The following MYT1L variants were observed in gnomAD, a reference collection of about 807,000 sequenced individuals.
MYT1L encodes the protein myelin transcription factor 1 like, also known as myelin transcription factor 1-like protein.
Under a neutral mutation model 126.7 loss-of-function variants are expected in MYT1L, and 12 were observed. That is an observed-to-expected ratio of 0.09 (90% CI 0.06 to 0.15). The LOEUF is 0.15. MYT1L is among the 10% of genes least tolerant of loss of function. MYT1L has a pLI of 1.00. For synonymous variants in MYT1L, 541 were observed against 604.2 expected (o/e 0.90, Z 1.53); for missense variants, 979 against 1,585.2 (o/e 0.62, Z 6.49).
At chr2:1,934,192 T>C (rs1462256057) in intron 9 of MYT1L, among the ~76,000 whole-genome samples, 5 of 151,290 alleles carry the variant, frequency 3.3e-5, no homozygotes, top group South Asian at 2.1e-4. Flanking sequence ...GCCAGGATGG[T>C]CTCGATCTCC....
intron 3 of MYT1L, among the ~76,000 whole-genome samples, chr2:2,136,637 A>G (rs375656406): frequency 6.6e-6 from 1 of 152,138 alleles, no homozygotes; most frequent in African/African-American, 2.4e-5. Context: ...GAAATCTTCA[A>G]TTTTAGTAAA....
At chr2:2,047,267 T>A (rs1413569206) in intron 4 of MYT1L, among the ~76,000 whole-genome samples, 1 of 152,246 alleles carries the variant, frequency 6.6e-6, no homozygotes, top group African/African-American at 2.4e-5. Flanking sequence ...TCATTTCACT[T>A]GGCCATATTC....
intron 2 of MYT1L, among the ~76,000 whole-genome samples, chr2:2,241,850 C>T (rs71442327): frequency 0.073 from 11,053 of 152,114 alleles, 626 homozygotes; most frequent in South Asian, 0.2. Flanking sequence ...GAACAGATAC[C>T]GTACAATGCC....
chr2:1,879,000 A>G (rs1295762725), intron 18 of MYT1L, among the ~76,000 whole-genome samples: 1 of 152,190 alleles, frequency 6.6e-6, no homozygotes, highest in Non-Finnish European at 1.5e-5. Context: ...ACAAGAGAAG[A>G]GAAGAGAAGT....
chr2:2,110,497 C>T (rs1163438665), intron 3 of MYT1L, among the ~76,000 whole-genome samples: 1 of 152,020 alleles, frequency 6.6e-6, no homozygotes, highest in Non-Finnish European at 1.5e-5. Flanking sequence ...TTTCTGCTCT[C>T]ACTCGATTGG....
chr2:2,281,458 T>C (rs1378937176), intron 2 of MYT1L, among the ~76,000 whole-genome samples: 1 of 152,206 alleles, frequency 6.6e-6, no homozygotes. Context: ...TGTACAGAAG[T>C]GGGAAGAGTA....
chr2:2,098,438 T>C (rs530464419), intron 3 of MYT1L, among the ~76,000 whole-genome samples: 1 of 152,216 alleles, frequency 6.6e-6, no homozygotes, highest in Admixed American at 6.5e-5. Context: ...TAAGGCAGAG[T>C]TTAAATAATT....
At position 1,852,482 on chromosome 2, in the gene MYT1L, C is replaced by CT. The variant is rs552223741; in HGVS notation, c.2712-780dup. Among the ~76,000 whole-genome samples the CT allele has an allele frequency of 9.5e-4, 145 of 152,164 alleles. 4 individuals are homozygous for CT. In the South Asian group the frequency reaches 0.021, roughly 22 times the overall value. ...GTCTTGCTATTTCTCTAATCAGAGACTTTTTTTAAGAAAAAGAGCTTTATA... is the reference window on the plus strand; with the variant it reads ...GTCTTGCTATTTCTCTAATCAGAGACTTTTTTTTAAGAAAAAGAGCTTTATA... On this transcript the variant is annotated intron_variant, in intron 18 of 24. Coordinates refer to ENST00000647738, the MANE Select transcript of MYT1L (RefSeq NM_001303052.2). This position sits in a 1 kb window ranked among gnomAD's most constrained non-coding sequence, Gnocchi z 4.0.
intron 3 of MYT1L, among the ~76,000 whole-genome samples, chr2:2,108,477 G>A (rs367652364): frequency 6.6e-6 from 1 of 152,186 alleles, no homozygotes; most frequent in Non-Finnish European, 1.5e-5. Context: ...TCTTAAAGCA[G>A]GAGGATCTTC....
chr2:1,938,322 AT>A, intron 9 of MYT1L, among the ~76,000 whole-genome samples: 1 of 152,252 alleles, frequency 6.6e-6, no homozygotes, highest in East Asian at 1.9e-4. Context: ...AATCCAAAAA[AT>A]ATTTATCATA....
intron 1 of MYT1L, among the ~76,000 whole-genome samples, chr2:2,330,196 G>T (rs1313125412): frequency 2.0e-5 from 3 of 151,864 alleles, no homozygotes; most frequent in Admixed American, 1.3e-4. Context: ...TGAACAAAAA[G>T]GCTCTTATAT....
intron 3 of MYT1L, among the ~76,000 whole-genome samples, chr2:2,064,303 T>C (rs2070937908): frequency 6.6e-6 from 1 of 152,174 alleles, no homozygotes; most frequent in South Asian, 2.1e-4. Flanking sequence ...CCTGAGTACC[T>C]TGCTTGGGAG....
chr2:2,020,200 T>C (rs1056828500), intron 4 of MYT1L, among the ~76,000 whole-genome samples: 1 of 152,314 alleles, frequency 6.6e-6, no homozygotes, highest in South Asian at 2.1e-4. Context: ...TGTTATTCCA[T>C]AGTATAGCTA....
In MYT1L at chr2:2,044,652, G is replaced by A. The variant is rs529906326; in HGVS notation, c.-158+9326C>T. 8.5e-5 allele frequency among the ~76,000 whole-genome samples: 13 copies of A among 152,210 alleles called. No individual in the cohort carries two copies. The South Asian group carries it at 2.5e-3, about 29-fold the overall frequency. On this transcript the variant is annotated intron_variant, in intron 4 of 24. Transcript: ENST00000647738. The stretch of plus-strand genomic sequence containing the variant: ...AAATATTTGCGTTGATAGTATAAAC[G>A]GACCCATGATTAACCATCTTGGGGA...
Position 1,979,270 on chromosome 2 carries a change from A to G in MYT1L, c.90-43T>C, listed in dbSNP as rs367556869. The G allele has an allele frequency of 1.3e-6, 2 of 1,566,678 alleles. No homozygotes were observed. The highest frequency in any genetic ancestry group is 1.8e-6 in the Non-Finnish European group (2 of 1,139,354). On this transcript the variant is annotated intron_variant, in intron 7 of 24. Coordinates refer to ENST00000647738, the MANE Select transcript of MYT1L (RefSeq NM_001303052.2). This position sits in a 1 kb window ranked among gnomAD's most constrained non-coding sequence, Gnocchi z 4.0. ...GGATTACACGGTGCCGCAGGCAGGC[A>G]GGTGAGACGGAAAGCTTCCGTGGCA...
chr2:2,167,143 G>A (rs2089280991), intron 3 of MYT1L, among the ~76,000 whole-genome samples: 1 of 152,178 alleles, frequency 6.6e-6, no homozygotes, highest in Non-Finnish European at 1.5e-5. Context: ...CCGCTGCGCT[G>A]CAGGTTTTAC....
chr2:1,884,703 G>C (rs543152793), intron 18 of MYT1L, among the ~76,000 whole-genome samples: 1 of 152,296 alleles, frequency 6.6e-6, no homozygotes, highest in African/African-American at 2.4e-5. Context: ...TGCAAAGATA[G>C]GTTTAGACAC....
intron 23 of MYT1L, among the ~76,000 whole-genome samples, chr2:1,798,589 A>G (rs1407738324): frequency 2.0e-5 from 3 of 152,136 alleles, no homozygotes; most frequent in South Asian, 4.1e-4. Flanking sequence ...TGTCTTGAAC[A>G]TGTCATGACG....
chr2:2,034,353 A>G (rs1332692478), intron 4 of MYT1L, among the ~76,000 whole-genome samples: 1 of 109,574 alleles, frequency 9.1e-6, no homozygotes, highest in African/African-American at 3.7e-5. Context: ...AACAATCTCC[A>G]CCCTCCAATG....
Sources: gnomAD v4.1 joint callset for allele counts (sites outside exome capture counted in the v4.1 genomes callset) on GRCh38, gnomAD v4.1.1 for gene constraint, Gnocchi (gnomAD v3.1) non-coding constraint, MANE v1.5 for transcripts, NCBI Gene and HGNC (gene_info 2026-07-23, HGNC 2026-07-21) for gene names.